The following TK1 variants were observed in gnomAD, a reference collection of about 807,000 sequenced individuals.
TK1 encodes thymidine kinase 1.
Under a neutral mutation model 22.4 loss-of-function variants are expected in TK1, and 13 were observed. The ratio of observed to expected loss-of-function variants is 0.58; its 90% confidence interval spans 0.38 to 0.92. The LOEUF is 0.92. Ranked by LOEUF, TK1 falls within the 40% of genes least tolerant of loss-of-function variation. The pLI, the probability that TK1 is intolerant of heterozygous loss-of-function variation, is 0.00. For synonymous variants in TK1, 134 were observed against 125.4 expected, an observed-to-expected ratio of 1.07 and a Z score of -0.46; for missense variants, 251 against 315.7, an observed-to-expected ratio of 0.80 and a Z score of 1.55.
At chr17:78,182,533 C>T (rs2075744847) in intron 4 of TK1, 56 bp downstream of exon 4, 20 of 1,383,578 alleles carry the variant, frequency 1.4e-5, no homozygotes, top group Middle Eastern at 1.8e-4. Context: ...CGAGGGAAAA[C>T]GGGAGGACAG....
At chr17:78,184,023 A>G (rs1451326265) in intron 3 of TK1, among the ~76,000 whole-genome samples, 2 of 152,236 alleles carry the variant, frequency 1.3e-5, no homozygotes, top group Non-Finnish European at 2.9e-5. Flanking sequence ...TGTACTTCCA[A>G]CAGCTGGAAC....
chr17:78,179,361 A>C, intron 4 of TK1: 1 of 985,444 alleles, frequency 1.0e-6, no homozygotes. Flanking sequence ...AGCACGGGGC[A>C]GCAACAACGA....
At position 78,174,198 on chromosome 17, in the gene TK1, G is replaced by GCCAC. The variant is rs2075680728; in HGVS notation, c.*557_*560dup. The GCCAC allele has an allele frequency of 6.5e-6, 1 of 153,096 alleles. No homozygotes were observed. Among genetic ancestry groups the GCCAC allele is most frequent in the Admixed American group, 6.5e-5 (1 of 15,352 alleles). 9.5% of individuals were successfully genotyped at this position (153,096 alleles called of 1,614,324 possible). ...GGATCCAAGTCCCAGCAAGGTTGGT[G>GCCAC]CCACCCATCTTGGTGAAAGATGCTG... On this transcript the variant is annotated 3_prime_UTR_variant, in exon 7 of 7. Transcript: ENST00000301634.
rs775529480 is a variant in TK1 at position 78,174,818 on chromosome 17, C to T, written c.646G>A (p.Val216Met). 6.1e-5 allele frequency: 99 copies of T among 1,613,114 alleles called. No homozygotes were observed. Among genetic ancestry groups the T allele is most frequent in the Middle Eastern group, 4.9e-4 (3 of 6,082 alleles). ...CPVPGKPGEA[V>M]AARKLFAPQQ... ...GGGGCAAAGAGCTTCCTGGCAGCCA[C>T]GGCTTCCCCTGGCTTTCCTGGCACT... Residue 216 changes from valine to methionine, a missense_variant, in exon 7 of 7, where the codon GTG becomes ATG. Transcript: ENST00000301634.
chr17:78,186,705 GAGGGA>G (rs1402396039), intron 2 of TK1, 77 bp downstream of exon 2: 81 of 878,366 alleles, frequency 9.2e-5, no homozygotes, highest in African/African-American at 8.0e-4. Context: ...GAGGGGAGGG[GAGGGA>G]AGGGGAGGGG....
intron 4 of TK1, among the ~76,000 whole-genome samples, chr17:78,181,570 A>G (rs2075737988): frequency 6.6e-6 from 1 of 151,782 alleles, no homozygotes; most frequent in Non-Finnish European, 1.5e-5. Flanking sequence ...CCCACACAAG[A>G]TCAACCTACC....
chr17:78,180,098 A>C (rs1193438997), intron 4 of TK1, among the ~76,000 whole-genome samples: 1 of 152,190 alleles, frequency 6.6e-6, no homozygotes, highest in Non-Finnish European at 1.5e-5. Flanking sequence ...AACTGGACTA[A>C]GTATACTAAA....
chr17:78,182,698 C>T lies in TK1; in HGVS notation c.210-16G>A. 12 of 1,551,228 alleles carry T rather than the reference C, an allele frequency of 7.7e-6. No individual in the cohort carries two copies. Among genetic ancestry groups the T allele is most frequent in the Non-Finnish European group, 9.5e-6 (11 of 1,152,300 alleles). On this transcript the variant is annotated splice_polypyrimidine_tract_variant and intron_variant, in intron 3 of 6. Transcript: ENST00000301634. ...CATGGTGTTCCTGGGAAGAGAAAGC[C>T]AGAGCGTGAGCAGGGCCAGGGAGGC...
Position 78,174,603 on chromosome 17 carries a change from A to G in TK1, c.*156T>C, listed in dbSNP as rs1476212295. On this transcript the variant is annotated 3_prime_UTR_variant, in exon 7 of 7. Transcript: ENST00000301634. ...GGTAGGAGAGGAGGGAGCATGCGGC[A>G]GGTGGGGCAGCCACACAAAGGAGAG... is the stretch of plus-strand genomic sequence containing the variant. The G allele has an allele frequency of 1.5e-5, 12 of 778,156 alleles. No individual in the cohort carries two copies. In the East Asian group the frequency reaches 2.2e-4, roughly 14 times the overall value. 48.2% of individuals were successfully genotyped at this position (778,156 alleles called of 1,614,324 possible).
At chr17:78,177,953 C>G (rs915215144) in intron 4 of TK1, among the ~76,000 whole-genome samples, 4 of 152,118 alleles carry the variant, frequency 2.6e-5, no homozygotes, top group Non-Finnish European at 5.9e-5. Flanking sequence ...TCACTGCAAC[C>G]TCTGCCTCCC....
At chr17:78,182,520 C>G in intron 4 of TK1, 69 bp downstream of exon 4, 1 of 1,254,222 alleles carries the variant, frequency 8.0e-7, no homozygotes, top group Non-Finnish European at 1.1e-6. Flanking sequence ...ACTTCCAAGT[C>G]AGCGAGGGAA....
chr17:78,174,965 A>T lies in TK1; in HGVS notation c.514-15T>A. ...ATCACCTCGACCTGGCCGCAGGGAC[A>T]GGGGATGGGTGAAGGGCCAGGACAG... On this transcript the variant is annotated splice_polypyrimidine_tract_variant and intron_variant, in intron 6 of 6. Coordinates refer to ENST00000301634, the MANE Select transcript of TK1 (RefSeq NM_003258.5). The T allele has an allele frequency of 6.2e-7, 1 of 1,611,324 alleles. No homozygotes were observed. The highest frequency in any genetic ancestry group is 8.5e-7 in the Non-Finnish European group (1 of 1,178,110).
chr17:78,178,882 G>A (rs1347514393), intron 4 of TK1, among the ~76,000 whole-genome samples: 1 of 152,166 alleles, frequency 6.6e-6, no homozygotes, highest in South Asian at 2.1e-4. Context: ...TTCTTGAAGA[G>A]AACAAGGGCA....
At chr17:78,181,063 C>G (rs1187261418) in intron 4 of TK1, among the ~76,000 whole-genome samples, 1 of 151,838 alleles carries the variant, frequency 6.6e-6, no homozygotes, top group Non-Finnish European at 1.5e-5. Flanking sequence ...AGCTGGCCAA[C>G]ATGGTGAAAC....
Position 78,175,219 on chromosome 17 carries a change from G to GTTTTTATTTTTTTTTTTTT in TK1, c.394-51_394-50insAAAAAAAAAAAAATAAAAA. The GTTTTTATTTTTTTTTTTTT allele has an allele frequency of 1.5e-4, 240 of 1,573,540 alleles. 1 individual carries two copies. The highest frequency in any genetic ancestry group is 6.2e-4 in the Admixed American group (29 of 46,754). ...GGCGCTCAGCCACCTTACCAGGTGG[G>GTTTTTATTTTTTTTTTTTT]TTTTTCTTTTAAACCCTCTGATTCA... On this transcript the variant is annotated intron_variant, in intron 5 of 6. Transcript: ENST00000301634.
In TK1 at chr17:78,177,674, C is replaced by T. The variant is rs549432069; in HGVS notation, c.304-2056G>A. 1.1e-4 allele frequency among the ~76,000 whole-genome samples: 17 copies of T among 149,092 alleles called. No individual in the cohort carries two copies. The South Asian group carries it at 2.6e-3, about 22-fold the overall frequency. On this transcript the variant is annotated intron_variant, in intron 4 of 6. Coordinates refer to ENST00000301634, the MANE Select transcript of TK1 (RefSeq NM_003258.5). ...CTGCAAGCTCCGCCTCCTGGGTTCA[C>T]GCCACTCTCCTGCCTCAGCCTCCCG...
At chr17:78,175,219 G>GTTTTTA in intron 5 of TK1, 50 bp from the exon 6 acceptor site, 1 of 1,574,984 alleles carries the variant, frequency 6.3e-7, no homozygotes. Flanking sequence ...TACCAGGTGG[G>GTTTTTA]TTTTTCTTTT....
chr17:78,181,340 G>A (rs990641502), intron 4 of TK1, among the ~76,000 whole-genome samples: 1 of 152,148 alleles, frequency 6.6e-6, no homozygotes, highest in African/African-American at 2.4e-5. Context: ...CTGAGGTCAG[G>A]AGTTCAAGAC....
At chr17:78,182,094 C>T (rs557852748) in intron 4 of TK1, among the ~76,000 whole-genome samples, 3 of 152,062 alleles carry the variant, frequency 2.0e-5, no homozygotes, top group African/African-American at 7.2e-5. Flanking sequence ...GGTACAATGG[C>T]CAGGTGTGGT....
Sources: gnomAD v4.1 joint callset for allele counts (sites outside exome capture counted in the v4.1 genomes callset) on GRCh38, gnomAD v4.1.1 for gene constraint, MANE v1.5 for transcripts, NCBI Gene and HGNC (gene_info 2026-07-23, HGNC 2026-07-21) for gene names.